ZNF251: variants seen among roughly 807,000 people sequenced by gnomAD.
ZNF251 encodes zinc finger protein 251.
Under a neutral mutation model 13.5 loss-of-function variants are expected in ZNF251, and 14 were observed. The ratio of observed to expected loss-of-function variants is 1.04; its 90% CI spans 0.69 to 1.63. The LOEUF is 1.63. ZNF251 is among the 40% of genes most tolerant of loss of function. The pLI is 0.00. For synonymous variants in ZNF251, 287 were observed against 295.2 expected, an observed-to-expected ratio of 0.97 and a Z score of 0.28; for missense variants, 764 against 834.9, an observed-to-expected ratio of 0.92 and a Z score of 1.05.
At chr8:144,754,554 C>A (rs1824864396) in intron 2 of ZNF251, 142 bp downstream of exon 2, 1 of 1,451,912 alleles carries the variant, frequency 6.9e-7, no homozygotes, top group Non-Finnish European at 9.1e-7. Context: ...GCGAGTCTAC[C>A]TCTCAGAACC....
In ZNF251 at chr8:144,753,880, C is replaced by G. The variant is rs565379251; in HGVS notation, c.164-84G>C. On this transcript the variant is annotated intron_variant, in intron 3 of 4. Transcript: ENST00000292562. ...TGTGGAGAGATGGGCCCTGTGTGCA[C>G]GTGTGTACGCCTGCACGTGTGTTGG... 2.0e-4 allele frequency: 213 copies of G among 1,051,128 alleles called. 3 individuals are homozygous for G. Among genetic ancestry groups the G allele is most frequent in the Non-Finnish European group, 5.8e-5 (42 of 724,574 alleles). 65.1% of individuals were successfully genotyped at this position (1,051,128 alleles called of 1,614,324 possible).
Position 144,743,946 on chromosome 8 carries a change from T to C in ZNF251, c.277+9737A>G, listed in dbSNP as rs557457702. On this transcript the variant is annotated intron_variant, in intron 4 of 4. Transcript: ENST00000292562. ...TTTGTGTATTTTGGATAATGGTCAT[T>C]TATATGTGCCTTTTACAAATATCTT... Among the ~76,000 whole-genome samples, 8 of 152,256 alleles carry C rather than the reference T, an allele frequency of 5.3e-5. No homozygotes were observed. The East Asian group carries it at 1.5e-3, about 29-fold the overall frequency.
At position 144,742,891 on chromosome 8, in the gene ZNF251, T is replaced by C. The variant is rs191039279; in HGVS notation, c.277+10792A>G. ...TTATATGAAGCCAGCCCTCTGGACA[T>C]GGGTTTCACATGTGTTTGGTTGAAA... is the stretch of plus-strand genomic sequence containing the variant. On this transcript the variant is annotated intron_variant, in intron 4 of 4. Coordinates refer to ENST00000292562, the MANE Select transcript of ZNF251 (RefSeq NM_138367.2). 3.4e-4 allele frequency among the ~76,000 whole-genome samples: 52 copies of C among 152,224 alleles called. 1 individual carries two copies. Among genetic ancestry groups the C allele is most frequent in the Non-Finnish European group, 1.0e-4 (7 of 68,006 alleles).
At chr8:144,732,178 A>T (rs142892986) in intron 4 of ZNF251, among the ~76,000 whole-genome samples, 1,503 of 147,082 alleles carry the variant, frequency 0.01, 25 homozygotes, top group African/African-American at 0.036. Context: ...CCTGGCCTCA[A>T]GTGATCCGCC....
intron 4 of ZNF251, among the ~76,000 whole-genome samples, chr8:144,741,387 T>C (rs994087032): frequency 6.6e-6 from 1 of 152,140 alleles, no homozygotes; most frequent in African/African-American, 2.4e-5. Context: ...CACACTCACA[T>C]GCGTAAACAT....
intron 4 of ZNF251, among the ~76,000 whole-genome samples, chr8:144,750,872 T>TA (rs765203253): frequency 2.0e-5 from 3 of 151,688 alleles, no homozygotes; most frequent in Non-Finnish European, 4.4e-5. Context: ...TTTTTTTTTT[T>TA]AGAGTCTCGC....
intron 4 of ZNF251, among the ~76,000 whole-genome samples, chr8:144,737,802 C>T (rs1013158076): frequency 7.2e-6 from 1 of 138,416 alleles, no homozygotes; most frequent in African/African-American, 2.7e-5. Flanking sequence ...CGCACCACTG[C>T]ACTCCAGCCT....
chr8:144,754,542 G>C, intron 2 of ZNF251, 154 bp downstream of exon 2: 2 of 1,450,518 alleles, frequency 1.4e-6, no homozygotes, highest in Non-Finnish European at 1.8e-6. Flanking sequence ...CCCTGCAGGA[G>C]GGCGAGTCTA....
At chr8:144,729,493 C>G in intron 4 of ZNF251, among the ~76,000 whole-genome samples, 1 of 151,598 alleles carries the variant, frequency 6.6e-6, no homozygotes, top group East Asian at 2.0e-4. Flanking sequence ...CCCGCCACCA[C>G]GCCCGGCTAA....
At chr8:144,753,626 C>T in intron 4 of ZNF251, 57 bp downstream of exon 4, 1 of 1,414,898 alleles carries the variant, frequency 7.1e-7, no homozygotes, top group South Asian at 1.2e-5. Context: ...TCGCTTGGAG[C>T]CTCTTAAGGC....
chr8:144,729,093 A>AG (rs1823611053), intron 4 of ZNF251, among the ~76,000 whole-genome samples: 1 of 150,914 alleles, frequency 6.6e-6, no homozygotes, highest in Non-Finnish European at 1.5e-5. Context: ...TCTATGGAAA[A>AG]AAAAAAAAAA....
chr8:144,732,269 A>G (rs191047137), intron 4 of ZNF251, among the ~76,000 whole-genome samples: 2 of 152,314 alleles, frequency 1.3e-5, no homozygotes, highest in Non-Finnish European at 2.9e-5. Context: ...AAACAAAAAC[A>G]AAGTACATGA....
chr8:144,732,431 GA>G (rs1415012886), intron 4 of ZNF251, among the ~76,000 whole-genome samples: 2 of 152,094 alleles, frequency 1.3e-5, no homozygotes, highest in East Asian at 1.9e-4. Flanking sequence ...CATGCTGGGG[GA>G]AAAAGTGCTG....
intron 4 of ZNF251, among the ~76,000 whole-genome samples, chr8:144,744,243 C>A (rs990620945): frequency 6.6e-6 from 1 of 152,012 alleles, no homozygotes; most frequent in South Asian, 2.1e-4. Flanking sequence ...AACTCCTGAC[C>A]TCGGGTGATC....
intron 4 of ZNF251, among the ~76,000 whole-genome samples, chr8:144,731,978 C>T (rs555452450): frequency 6.2e-5 from 9 of 145,944 alleles, no homozygotes; most frequent in East Asian, 4.3e-4. Context: ...AGTCTTTCTC[C>T]GTCACCCAGG....
intron 4 of ZNF251, among the ~76,000 whole-genome samples, chr8:144,741,243 C>T (rs921804033): frequency 1.3e-5 from 2 of 152,228 alleles, no homozygotes; most frequent in Non-Finnish European, 2.9e-5. Context: ...GGCCAACACA[C>T]AAGCCTCAGA....
intron 4 of ZNF251, among the ~76,000 whole-genome samples, chr8:144,730,586 G>A (rs573633070): frequency 2.6e-5 from 4 of 152,002 alleles, no homozygotes; most frequent in South Asian, 2.1e-4. Context: ...GGCATGTGAC[G>A]CTGCGACGGG....
chr8:144,726,481 A>C (rs1198419038), intron 4 of ZNF251, among the ~76,000 whole-genome samples: 1 of 151,072 alleles, frequency 6.6e-6, no homozygotes, highest in Non-Finnish European at 1.5e-5. Context: ...GGTTGCAGTG[A>C]GCCAAGATTG....
chr8:144,755,310 C>G (rs1160572837), intron 1 of ZNF251, 95 bp downstream of exon 1: 20 of 1,278,732 alleles, frequency 1.6e-5, no homozygotes, highest in Non-Finnish European at 2.0e-5. Context: ...AGAACAGGCT[C>G]CTCCTGGACT....
Sources: allele counts gnomAD v4.1 joint callset (sites outside exome capture counted in the v4.1 genomes callset), GRCh38; gene constraint gnomAD v4.1.1; transcripts MANE v1.5; gene names NCBI Gene and HGNC (gene_info 2026-07-23, HGNC 2026-07-21).